The following BBX variants were observed in gnomAD, a reference collection of about 807,000 sequenced individuals.
The protein encoded by BBX is BBX high mobility group box domain containing.
In BBX, 30 loss-of-function variants were observed where a neutral mutation model predicts 100.2. The ratio of observed to expected loss-of-function variants is 0.30; its 90% CI spans 0.22 to 0.41. The LOEUF is 0.41. Among genes scored for constraint, BBX ranks in the 10% least tolerant of loss-of-function variants. The pLI, the probability that BBX is intolerant of heterozygous loss-of-function variation, is 1.00. For synonymous variants in BBX, 376 were observed against 388.1 expected (o/e 0.97, Z 0.37); for missense variants, 1,023 against 1,129.8 (o/e 0.91, Z 1.35).
At chr3:107,643,942 G>A (rs28538945) in intron 2 of BBX, among the ~76,000 whole-genome samples, 19,083 of 152,046 alleles carry the variant, frequency 0.13, 1,442 homozygotes, top group Middle Eastern at 0.19. Flanking sequence ...TGATTTCCTG[G>A]CTTCTTAAGT....
intron 2 of BBX, among the ~76,000 whole-genome samples, chr3:107,551,617 G>T (rs895374741): frequency 2.0e-5 from 3 of 152,200 alleles, no homozygotes; most frequent in Admixed American, 6.5e-5. Context: ...GTGTGTAAGG[G>T]AATATAGTCC....
intron 10 of BBX, among the ~76,000 whole-genome samples, chr3:107,757,797 G>A (rs978687501): frequency 5.3e-5 from 8 of 152,024 alleles, no homozygotes; most frequent in Non-Finnish European, 7.4e-5. Flanking sequence ...TGCATTTTAA[G>A]ATAAATAAAT....
At chr3:107,562,892 A>G (rs977836789) in intron 2 of BBX, among the ~76,000 whole-genome samples, 4 of 152,208 alleles carry the variant, frequency 2.6e-5, no homozygotes, top group African/African-American at 7.2e-5. Context: ...GAGATGATCT[A>G]TTTTTACCAA....
chr3:107,798,298 G>A (rs960774571), intron 15 of BBX, among the ~76,000 whole-genome samples: 1 of 152,190 alleles, frequency 6.6e-6, no homozygotes, highest in Non-Finnish European at 1.5e-5. Flanking sequence ...GTAAAAAAGA[G>A]GGGGTGTCTT....
chr3:107,554,629 G>T (rs1424175994), intron 2 of BBX, among the ~76,000 whole-genome samples: 1 of 152,162 alleles, frequency 6.6e-6, no homozygotes, highest in East Asian at 1.9e-4. Context: ...TCTAGTTTCT[G>T]TAGCTCTTTG....
chr3:107,794,061 A>G (rs1161389268), intron 15 of BBX, among the ~76,000 whole-genome samples: 3 of 151,988 alleles, frequency 2.0e-5, no homozygotes, highest in African/African-American at 4.8e-5. Flanking sequence ...ACTACCTCCT[A>G]CCTCTGCCAC....
At chr3:107,719,892 TATC>T (rs2062402669) in intron 5 of BBX, among the ~76,000 whole-genome samples, 1 of 152,020 alleles carries the variant, frequency 6.6e-6, no homozygotes, top group Non-Finnish European at 1.5e-5. Context: ...TTAAACTAAT[TATC>T]ATAATGAATT....
intron 3 of BBX, among the ~76,000 whole-genome samples, chr3:107,669,474 C>T (rs1180156517): frequency 3.3e-5 from 5 of 151,658 alleles, no homozygotes; most frequent in African/African-American, 9.7e-5. Context: ...TGGGAAGGGG[C>T]ACAAAAAAGA....
rs934574604 is a variant in BBX, at chr3:107,788,377, C to G, written c.2204-1410C>G. On this transcript the variant is annotated intron_variant, in intron 13 of 17. Coordinates refer to ENST00000325805, the MANE Select transcript of BBX (RefSeq NM_001142568.3). Reference sequence around the variant, plus strand: ...TAGTGGTCAGAAGCTACAGGAACAGCCTGGTGCAATAAGGACCCACAATTG... The same window carrying G: ...TAGTGGTCAGAAGCTACAGGAACAGGCTGGTGCAATAAGGACCCACAATTG... Among the ~76,000 whole-genome samples the G allele has an allele frequency of 4.6e-5, 7 of 152,244 alleles. No individual in the cohort carries two copies. In the East Asian group the frequency reaches 1.4e-3, roughly 29 times the overall value.
At chr3:107,584,141 TTA>T in intron 2 of BBX, among the ~76,000 whole-genome samples, 1 of 23,660 alleles carries the variant, frequency 4.2e-5, no homozygotes, top group East Asian at 3.8e-4. Context: ...ATTATATATA[TTA>T]TATATAATAT....
At chr3:107,693,402 C>G (rs1333800273) in intron 3 of BBX, among the ~76,000 whole-genome samples, 6 of 151,760 alleles carry the variant, frequency 4.0e-5, no homozygotes, top group Non-Finnish European at 8.8e-5. Context: ...GATCCAGTTT[C>G]AGCTTTCTAC....
chr3:107,538,971 G>A (rs895866842), intron 2 of BBX, among the ~76,000 whole-genome samples: 3 of 151,936 alleles, frequency 2.0e-5, no homozygotes, highest in Non-Finnish European at 2.9e-5. Flanking sequence ...TTATTTTTTA[G>A]TAGAGATGGG....
chr3:107,783,131 A>G (rs900065389), intron 13 of BBX, among the ~76,000 whole-genome samples: 2 of 152,112 alleles, frequency 1.3e-5, no homozygotes, highest in Non-Finnish European at 2.9e-5. Flanking sequence ...AAAATACCCA[A>G]CATATACACT....
In BBX at chr3:107,580,322, GAA is replaced by G. The variant is rs200621388; in HGVS notation, c.-84+53925_-84+53926del. Among the ~76,000 whole-genome samples, 547 of 152,064 alleles carry G rather than the reference GAA, an allele frequency of 3.6e-3. 6 individuals are homozygous for G. In the Middle Eastern group the frequency reaches 0.038, roughly 10 times the overall value. On this transcript the variant is annotated intron_variant, in intron 2 of 17. Coordinates refer to ENST00000325805, the MANE Select transcript of BBX (RefSeq NM_001142568.3). The stretch of plus-strand genomic sequence containing the variant: ...TTTCTCTTGTGTGAGCTTTTGGACA[GAA>G]TATGAATTTTAAATCCACAGGTTTT...
intron 3 of BBX, among the ~76,000 whole-genome samples, chr3:107,655,794 G>A (rs762395816): frequency 4.6e-5 from 7 of 151,100 alleles, no homozygotes; most frequent in South Asian, 2.1e-4. Context: ...TCCACCTCCC[G>A]GATTCGCGCC....
chr3:107,648,557 T>C (rs2057660847), intron 3 of BBX, among the ~76,000 whole-genome samples: 4 of 152,132 alleles, frequency 2.6e-5, no homozygotes, highest in South Asian at 4.1e-4. Flanking sequence ...TTAATCGTAC[T>C]AGATATAACG....
chr3:107,768,949 G>A (rs568286535), intron 10 of BBX, among the ~76,000 whole-genome samples: 117 of 140,698 alleles, frequency 8.3e-4, no homozygotes, highest in African/African-American at 3.0e-3. Context: ...CTTGAGGCCA[G>A]GAGTTGGAGA....
chr3:107,609,729 C>T (rs1445029578), intron 2 of BBX, among the ~76,000 whole-genome samples: 3 of 151,824 alleles, frequency 2.0e-5, no homozygotes, highest in Admixed American at 6.6e-5. Flanking sequence ...GTTGTAATGT[C>T]CTTTTCATCT....
chr3:107,533,820 A>AG, intron 2 of BBX, among the ~76,000 whole-genome samples: 2 of 152,062 alleles, frequency 1.3e-5, no homozygotes, highest in South Asian at 4.1e-4. Context: ...TGCTACCTGC[A>AG]CATTTTTTTT....
Sources: gnomAD v4.1 joint callset for allele counts (sites outside exome capture counted in the v4.1 genomes callset) on GRCh38, gnomAD v4.1.1 for gene constraint, MANE v1.5 for transcripts, NCBI Gene and HGNC (gene_info 2026-07-23, HGNC 2026-07-21) for gene names.